CHL1: variants seen among roughly 807,000 people sequenced by gnomAD.
CHL1 encodes the protein cell adhesion molecule L1 like.
Under a neutral mutation model 141.9 loss-of-function variants are expected in CHL1, and 96 were observed. The ratio of observed to expected loss-of-function variants is 0.68; its 90% CI spans 0.57 to 0.80. The LOEUF (loss-of-function observed/expected upper bound fraction) is 0.80, where lower values mean the gene tolerates loss of function less well. Among genes scored for constraint, CHL1 ranks in the 30% least tolerant of loss-of-function variants. CHL1 has a pLI of 0.00. For synonymous variants in CHL1, 613 were observed against 502.2 expected, an observed-to-expected ratio of 1.22 and a Z score of -2.95; for missense variants, 1,820 against 1,457.2, an observed-to-expected ratio of 1.25 and a Z score of -4.05.
At chr3:247,082 T>A (rs1693242230) in intron 2 of CHL1, 1 of 151,816 alleles carries the variant, frequency 6.6e-6, no homozygotes, top group African/African-American at 2.4e-5. Flanking sequence ...TATTTTCATT[T>A]CAGTCTTAAA....
intron 2 of CHL1, among the ~76,000 whole-genome samples, chr3:287,766 T>A (rs1205406605): frequency 6.9e-6 from 1 of 145,608 alleles, no homozygotes; most frequent in Non-Finnish European, 1.5e-5. Flanking sequence ...ACTGGTGTCT[T>A]TTTTTGTTTT....
chr3:356,406 A>G (rs11713766), intron 11 of CHL1, among the ~76,000 whole-genome samples: 123,069 of 152,186 alleles, frequency 0.81, 56,018 homozygotes, highest in East Asian at 0.99. Context: ...CGTTCATTCA[A>G]TAATATTTAT....
rs554008140 is a variant in CHL1 at position 278,780 on chromosome 3, T to G, written c.-95+34088T>G. On this transcript the variant is annotated intron_variant, in intron 2 of 27. Transcript: ENST00000256509. ...GCTATTCAGTAAAGGTGGTATTTTA[T>G]GAATTTCTGAATGGCAGTCTGCACA... Among the ~76,000 whole-genome samples the G allele has an allele frequency of 5.9e-5, 9 of 152,352 alleles. No individual in the cohort carries two copies. The South Asian group carries it at 1.7e-3, about 28-fold the overall frequency.
chr3:286,302 G>A (rs1179813137), intron 2 of CHL1, among the ~76,000 whole-genome samples: 1 of 152,066 alleles, frequency 6.6e-6, no homozygotes, highest in Non-Finnish European at 1.5e-5. Flanking sequence ...ATAGAGTAAA[G>A]TGAAAGCAAG....
chr3:230,958 G>T (rs7625702), intron 1 of CHL1, among the ~76,000 whole-genome samples: 68,896 of 151,936 alleles, frequency 0.45, 17,006 homozygotes, highest in Non-Finnish European at 0.54. Context: ...TATGGAGAAA[G>T]AATCCTTAGC....
At chr3:237,596 G>T (rs896185524) in intron 1 of CHL1, among the ~76,000 whole-genome samples, 3 of 152,158 alleles carry the variant, frequency 2.0e-5, no homozygotes, top group Non-Finnish European at 4.4e-5. Context: ...AGGCCTTGAG[G>T]TTACACACAT....
intron 2 of CHL1, among the ~76,000 whole-genome samples, chr3:289,486 C>T (rs530381952): frequency 2.0e-5 from 3 of 152,218 alleles, no homozygotes; most frequent in Admixed American, 2.0e-4. Flanking sequence ...ATTTATCCAT[C>T]TCTCATTATT....
chr3:376,604 T>G lies in CHL1; in HGVS notation c.1752-1214T>G, dbSNP rs2125358903. On this transcript the variant is annotated intron_variant, in intron 15 of 27. Transcript: ENST00000256509. The stretch of plus-strand genomic sequence containing the variant: ...AACACCCCGTGCCAGGGTATAAATC[T>G]TGGCAAGATTTCAGCTACTATGGGC... 2.0e-5 allele frequency among the ~76,000 whole-genome samples: 3 copies of G among 152,316 alleles called. No homozygotes were observed. In the South Asian group the frequency reaches 6.2e-4, roughly 32 times the overall value.
At chr3:383,957 C>G in intron 19 of CHL1, 71 bp downstream of exon 19, 2 of 933,662 alleles carry the variant, frequency 2.1e-6, no homozygotes, top group Non-Finnish European at 3.4e-6. Context: ...ATGCTAACTA[C>G]AATGATAGCA....
rs779453897 is a variant in CHL1, at chr3:398,361, G to A, written c.3229G>A (p.Asp1077Asn). ...GGGCGATAATGATAGCATTTTTCAA[G>A]ATGTAATTGAGACAAGAGGGAGAGG... ...NWGDNDSIFQ[D>N]VIETRGREYA... Residue 1077 changes from aspartate to asparagine, a missense_variant, in exon 25 of 28, where the codon GAT becomes AAT. Coordinates refer to ENST00000256509, the MANE Select transcript of CHL1 (RefSeq NM_006614.4). The A allele has an allele frequency of 2.5e-6, 4 of 1,603,002 alleles. No homozygotes were observed. In the Admixed American group the frequency reaches 5.0e-5, roughly 20 times the overall value.
chr3:355,989 G>A (rs1215953175), intron 11 of CHL1, among the ~76,000 whole-genome samples: 1 of 152,132 alleles, frequency 6.6e-6, no homozygotes, highest in Non-Finnish European at 1.5e-5. Context: ...GTGGATTAAA[G>A]GAAACATCAT....
chr3:364,837 TATTAA>T (rs1370007431), intron 14 of CHL1, among the ~76,000 whole-genome samples: 1 of 152,124 alleles, frequency 6.6e-6, no homozygotes, highest in African/African-American at 2.4e-5. Context: ...AAGGTGGGAG[TATTAA>T]TATTCATAAA....
At chr3:364,074 C>G (rs1380315734) in intron 14 of CHL1, 1 of 152,188 alleles carries the variant, frequency 6.6e-6, no homozygotes, top group African/African-American at 2.4e-5. Flanking sequence ...ACTGATGCCA[C>G]TTTTCCTCAT....
In CHL1 at chr3:265,770, T is replaced by G. The variant is rs1486365836; in HGVS notation, c.-95+21078T>G. ...GGTGGAATTTCAAGGTTTTTAAAAC[T>G]CGATGGTTTTTGTAAGGTGGGAGTG... is the stretch of plus-strand genomic sequence containing the variant. On this transcript the variant is annotated intron_variant, in intron 2 of 27. Transcript: ENST00000256509. 5.9e-5 allele frequency among the ~76,000 whole-genome samples: 9 copies of G among 152,150 alleles called. 1 individual carries two copies. The highest frequency in any genetic ancestry group is 8.8e-5 in the Non-Finnish European group (6 of 68,018).
chr3:246,724 G>A (rs958108704), intron 2 of CHL1: 2 of 152,052 alleles, frequency 1.3e-5, no homozygotes, highest in African/African-American at 2.4e-5. Context: ...TGAACTTAGG[G>A]CACAATAAGC....
intron 5 of CHL1, among the ~76,000 whole-genome samples, chr3:332,231 T>C (rs1396880654): frequency 1.3e-5 from 2 of 152,168 alleles, no homozygotes; most frequent in East Asian, 1.9e-4. Flanking sequence ...TATTCAATAG[T>C]AAATAAAACG....
chr3:393,161 A>G (rs978283579), intron 23 of CHL1, among the ~76,000 whole-genome samples: 1 of 141,608 alleles, frequency 7.1e-6, no homozygotes, highest in African/African-American at 2.6e-5. Flanking sequence ...TGAACCCGGG[A>G]GGCAGAGCTT....
intron 2 of CHL1, among the ~76,000 whole-genome samples, chr3:251,864 A>C (rs957277448): frequency 6.6e-6 from 1 of 152,124 alleles, no homozygotes; most frequent in Non-Finnish European, 1.5e-5. Context: ...TTTCAGTGGG[A>C]TGTTTAATTT....
rs1354521026 is a variant in CHL1 at position 382,468 on chromosome 3, T to C, written c.1979-6T>C. 1.9e-6 allele frequency: 3 copies of C among 1,610,954 alleles called. 1 individual carries two copies. The highest frequency in any genetic ancestry group is 3.3e-5 in the Admixed American group (2 of 59,980). On this transcript the variant is annotated splice_polypyrimidine_tract_variant and splice_region_variant and intron_variant, in intron 17 of 27. Coordinates refer to ENST00000256509, the MANE Select transcript of CHL1 (RefSeq NM_006614.4). ...TCTAATATTTTTTCCCTGTTTATACTACCAGAGTATATTGTTGAATTTGAA... is the reference window on the plus strand; with the variant it reads ...TCTAATATTTTTTCCCTGTTTATACCACCAGAGTATATTGTTGAATTTGAA...
Sources: allele counts gnomAD v4.1 joint callset (sites outside exome capture counted in the v4.1 genomes callset), GRCh38; gene constraint gnomAD v4.1.1; transcripts MANE v1.5; gene names NCBI Gene and HGNC (gene_info 2026-07-23, HGNC 2026-07-21).